ACBD6: variants seen among roughly 807,000 people sequenced by gnomAD.
ACBD6 encodes acyl-CoA-binding domain-containing protein 6.
A neutral mutation model predicts 37.2 loss-of-function variants in ACBD6; 28 were observed. That is an observed-to-expected ratio of 0.75 (90% CI 0.56 to 1.03). The LOEUF (loss-of-function observed/expected upper bound fraction) is 1.03. Ranked by LOEUF, ACBD6 falls within the 50% of genes least tolerant of loss-of-function variation. The pLI, the probability that ACBD6 is intolerant of heterozygous loss-of-function variation, is 0.00. For missense variants in ACBD6, 340 were observed against 337.4 expected (o/e 1.01, Z -0.06); for synonymous variants, 113 against 126.8 (o/e 0.89, Z 0.73).
At chr1:180,354,459 T>TAA (rs561917362) in intron 6 of ACBD6, among the ~76,000 whole-genome samples, 8 of 152,174 alleles carry the variant, frequency 5.3e-5, no homozygotes, top group Admixed American at 2.6e-4. Flanking sequence ...GGGGATATGG[T>TAA]AATTTTAAAA....
rs570749650 is a variant in ACBD6 at position 180,302,039 on chromosome 1, TG to T, written c.694+12652del. Among the ~76,000 whole-genome samples the T allele has an allele frequency of 1.4e-3, 199 of 145,514 alleles. 1 individual carries two copies. Among genetic ancestry groups the T allele is most frequent in the African/African-American group, 3.3e-3 (131 of 39,776 alleles). ...TTTTAACTTTTTATAATAGATTTAT[TG>T]GGGGGGGAGGGTGGAGGGATAGCAT... On this transcript the variant is annotated intron_variant, in intron 7 of 7. Coordinates refer to ENST00000367595, the MANE Select transcript of ACBD6 (RefSeq NM_032360.4).
chr1:180,301,264 C>T lies in ACBD6; in HGVS notation c.695-12747G>A, dbSNP rs144383096. Among the ~76,000 whole-genome samples, 202 of 152,214 alleles carry T rather than the reference C, an allele frequency of 1.3e-3. 3 individuals are homozygous for T. Among genetic ancestry groups the T allele is most frequent in the Middle Eastern group, 3.4e-3 (1 of 294 alleles). ...AAATCATATACAGTTGAGTCTTGAA[C>T]AACATGGGGGTTAGGTGTGCCAACT... On this transcript the variant is annotated intron_variant, in intron 7 of 7. Coordinates refer to ENST00000367595, the MANE Select transcript of ACBD6 (RefSeq NM_032360.4).
rs113094548 is a variant in ACBD6 at position 180,435,771 on chromosome 1, T to C, written c.385-5509A>G. ...TTCAGAATAGCAGCCAAGTATCAGATTGACTCTGACAGCTGCTTCTCGGCT... is the reference window on the plus strand; with the variant it reads ...TTCAGAATAGCAGCCAAGTATCAGACTGACTCTGACAGCTGCTTCTCGGCT... On this transcript the variant is annotated intron_variant, in intron 3 of 7. Transcript: ENST00000367595. 9.5e-4 allele frequency: 826 copies of C among 868,972 alleles called. 3 individuals are homozygous for C. In the African/African-American group the frequency reaches 0.012, roughly 12 times the overall value. 53.8% of individuals were successfully genotyped at this position (868,972 alleles called of 1,614,324 possible).
intron 6 of ACBD6, among the ~76,000 whole-genome samples, chr1:180,321,404 G>C (rs534981621): frequency 5.9e-5 from 9 of 152,074 alleles, no homozygotes; most frequent in Non-Finnish European, 1.2e-4. Flanking sequence ...TAACAATATT[G>C]ATTCTTCCAA....
At chr1:180,432,596 T>G (rs1485279268) in intron 3 of ACBD6, among the ~76,000 whole-genome samples, 3 of 152,036 alleles carry the variant, frequency 2.0e-5, no homozygotes, top group African/African-American at 7.2e-5. Context: ...AATATGTCCT[T>G]AAATAGATTA....
chr1:180,364,793 G>A (rs1652988830), intron 6 of ACBD6, among the ~76,000 whole-genome samples: 2 of 147,992 alleles, frequency 1.4e-5, no homozygotes, highest in South Asian at 4.2e-4. Flanking sequence ...GAGTACAGTA[G>A]CGCGATCTTG....
chr1:180,306,261 AC>A (rs1046781576), intron 7 of ACBD6, among the ~76,000 whole-genome samples: 9 of 151,980 alleles, frequency 5.9e-5, no homozygotes, highest in African/African-American at 2.2e-4. Context: ...TAAAAAAAAA[AC>A]AAACAAAACC....
At chr1:180,402,535 C>T (rs975500798) in intron 5 of ACBD6, among the ~76,000 whole-genome samples, 2 of 152,100 alleles carry the variant, frequency 1.3e-5, no homozygotes, top group African/African-American at 2.4e-5. Context: ...TTTAAAAAAT[C>T]TGGCTGGGTG....
intron 3 of ACBD6, among the ~76,000 whole-genome samples, chr1:180,483,534 G>A (rs949139322): frequency 1.3e-5 from 2 of 152,048 alleles, no homozygotes; most frequent in Admixed American, 6.5e-5. Context: ...ACTACAACTT[G>A]CACACAGTAA....
intron 6 of ACBD6, among the ~76,000 whole-genome samples, chr1:180,359,091 G>A (rs1211134018): frequency 6.6e-6 from 1 of 152,136 alleles, no homozygotes; most frequent in East Asian, 1.9e-4. Context: ...AATGCAGAAC[G>A]GCTCCAGAAA....
chr1:180,282,485 C>T (rs1476871464), intron 8 of ACBD6, among the ~76,000 whole-genome samples: 1 of 152,116 alleles, frequency 6.6e-6, no homozygotes, highest in Non-Finnish European at 1.5e-5. Context: ...CAGGCAAGAA[C>T]TTTGGGGTTA....
chr1:180,309,911 G>A (rs1164383320), intron 7 of ACBD6, among the ~76,000 whole-genome samples: 1 of 152,146 alleles, frequency 6.6e-6, no homozygotes, highest in Non-Finnish European at 1.5e-5. Context: ...TAATACAAGA[G>A]GAATCATATG....
chr1:180,271,138 G>A, exon 14 of ACBD6: 1 of 575,248 alleles, frequency 1.7e-6, no homozygotes, highest in Non-Finnish European at 3.1e-6. Context: ...GGAGGGTTGA[G>A]GCAGGGAGCT....
intron 6 of ACBD6, among the ~76,000 whole-genome samples, chr1:180,324,607 T>C (rs1295799058): frequency 6.6e-6 from 1 of 152,198 alleles, no homozygotes; most frequent in Admixed American, 6.5e-5. Flanking sequence ...CATCAACTAG[T>C]CTTTCTACTT....
At chr1:180,273,583 AAAG>A (rs1166698170) in intron 11 of ACBD6, 5 of 152,538 alleles carry the variant, frequency 3.3e-5, no homozygotes, top group African/African-American at 1.2e-4. Context: ...CTTTAAGAAA[AAAG>A]AAGGTTCATT....
At chr1:180,404,815 C>T (rs943969826) in intron 5 of ACBD6, among the ~76,000 whole-genome samples, 1 of 152,126 alleles carries the variant, frequency 6.6e-6, no homozygotes, top group Non-Finnish European at 1.5e-5. Flanking sequence ...TAAAATGATA[C>T]ATTTTATGTA....
rs2149276731 is a variant in ACBD6 at position 180,288,458 on chromosome 1, T to TG, written c.753dup (p.Thr252HisfsTer42). Reference sequence around the variant, plus strand: ...AGGCAGCCATCCTGGTCTCGGAGAGTGGGGTCAGCACCAGACTGGAGCAGC... The same window carrying TG: ...AGGCAGCCATCCTGGTCTCGGAGAGTGGGGGTCAGCACCAGACTGGAGCAGC... On this transcript the variant is annotated frameshift_variant, in exon 8 of 8. Transcript: ENST00000367595. LOFTEE classifies it high-confidence loss of function. 1 of 1,613,506 alleles carries TG rather than the reference T, an allele frequency of 6.2e-7. No homozygotes were observed. The highest frequency in any genetic ancestry group is 1.1e-5 in the South Asian group (1 of 91,024).
chr1:180,274,216 C>G, intron 10 of ACBD6: 1 of 1,614,158 alleles, frequency 6.2e-7, no homozygotes, highest in Non-Finnish European at 8.5e-7. Context: ...TTGGCCACAC[C>G]AATAGGATTT....
At chr1:180,471,566 G>T (rs1362815796) in intron 3 of ACBD6, among the ~76,000 whole-genome samples, 2 of 152,052 alleles carry the variant, frequency 1.3e-5, no homozygotes, top group African/African-American at 4.8e-5. Flanking sequence ...GGGGGCAAAA[G>T]GCACTTCTTA....
Sources: gnomAD v4.1 joint callset for allele counts (sites outside exome capture counted in the v4.1 genomes callset) on GRCh38, gnomAD v4.1.1 for gene constraint, MANE v1.5 for transcripts, NCBI Gene and HGNC (gene_info 2026-07-23, HGNC 2026-07-21) for gene names.